The following ATF7IP2 variants were observed in gnomAD, a reference collection of about 807,000 sequenced individuals.
The protein encoded by ATF7IP2 is activating transcription factor 7 interacting protein 2.
A neutral mutation model predicts 64.2 loss-of-function variants in ATF7IP2; 42 were observed. The ratio of observed to expected loss-of-function variants is 0.65; its 90% CI spans 0.51 to 0.85. ATF7IP2 has a LOEUF of 0.85. ATF7IP2 is among the 40% of genes least tolerant of loss of function. ATF7IP2 has a pLI of 0.00. For missense variants in ATF7IP2, 933 were observed against 784.2 expected, an observed-to-expected ratio of 1.19 and a Z score of -2.27; for synonymous variants, 308 against 272.8, an observed-to-expected ratio of 1.13 and a Z score of -1.27.
chr16:10,462,539 C>G (rs1431526164), intron 9 of ATF7IP2, among the ~76,000 whole-genome samples: 1 of 152,092 alleles, frequency 6.6e-6, no homozygotes, highest in Non-Finnish European at 1.5e-5. Flanking sequence ...TTTCTGACTT[C>G]TATTTCTGTT....
rs2047735716 is a variant in ATF7IP2, at chr16:10,410,432, G to A, written c.-241-4142G>A. ...TGAGTTCTGGACGTTTCTCAGCTTGGTTGCTGCTGGTGTATAGGAGAGCTA... is the reference window on the plus strand; with the variant it reads ...TGAGTTCTGGACGTTTCTCAGCTTGATTGCTGCTGGTGTATAGGAGAGCTA... On this transcript the variant is annotated intron_variant, in intron 1 of 13. Transcript: ENST00000562102. Among the ~76,000 whole-genome samples the A allele has an allele frequency of 2.6e-5, 4 of 152,158 alleles. No homozygotes were observed. In the South Asian group the frequency reaches 8.3e-4, roughly 32 times the overall value.
chr16:10,409,616 A>G (rs1413851864), intron 1 of ATF7IP2, among the ~76,000 whole-genome samples: 2 of 152,056 alleles, frequency 1.3e-5, no homozygotes, highest in Non-Finnish European at 1.5e-5. Flanking sequence ...TAATAGAGAC[A>G]GGGTTTCACG....
intron 1 of ATF7IP2, among the ~76,000 whole-genome samples, chr16:10,405,259 A>G (rs1315101406): frequency 1.3e-5 from 2 of 151,990 alleles, no homozygotes; most frequent in Non-Finnish European, 2.9e-5. Context: ...TTATCTAGCT[A>G]CTCAGGAGAC....
intron 12 of ATF7IP2, among the ~76,000 whole-genome samples, chr16:10,476,684 G>A (rs934422613): frequency 1.3e-5 from 2 of 152,014 alleles, no homozygotes; most frequent in African/African-American, 4.8e-5. Context: ...CAGGCCTAGT[G>A]TGTGTTGTTC....
At chr16:10,411,344 C>A (rs2047754119) in intron 1 of ATF7IP2, among the ~76,000 whole-genome samples, 2 of 107,822 alleles carry the variant, frequency 1.9e-5, no homozygotes, top group African/African-American at 8.0e-5. Context: ...TGGTACTGGG[C>A]CTTTTTGTTT....
chr16:10,440,706 C>G (rs960230743), intron 8 of ATF7IP2, among the ~76,000 whole-genome samples: 1 of 152,136 alleles, frequency 6.6e-6, no homozygotes, highest in Non-Finnish European at 1.5e-5. Flanking sequence ...TCCCCCACCC[C>G]CATTTTATCA....
At chr16:10,460,456 G>A (rs1312334372) in intron 9 of ATF7IP2, among the ~76,000 whole-genome samples, 6 of 152,146 alleles carry the variant, frequency 3.9e-5, no homozygotes, top group Admixed American at 6.5e-5. Flanking sequence ...GCCATCAGAC[G>A]TTAGGATATT....
rs1461174134 is a variant in ATF7IP2 at position 10,480,891 on chromosome 16, C to G, written c.1562C>G (p.Ser521Cys). 3 of 1,609,148 alleles carry G rather than the reference C, an allele frequency of 1.9e-6. No homozygotes were observed. The highest frequency in any genetic ancestry group is 2.6e-6 in the Non-Finnish European group (3 of 1,175,708). ...GTGTTGTTCACAGAAAGTCCAGTAT[C>G]CCCCCTGGAGTCACATTCGAAAGCT... is the stretch of plus-strand genomic sequence containing the variant. The part of the protein sequence containing the change: ...LSNCNTESPV[S>C]PLESHSKAAS... Residue 521 changes from serine (S) to cysteine (C), a missense_variant, in exon 13 of 14, where the codon TCC (serine) becomes TGC (cysteine). By Grantham distance (112) the Ser-to-Cys change is moderately radical. Transcript: ENST00000562102.
intron 6 of ATF7IP2, 125 bp from the exon 7 acceptor site, chr16:10,437,976 T>C: frequency 1.5e-6 from 1 of 663,170 alleles, no homozygotes; most frequent in Middle Eastern, 4.6e-4. Context: ...AACATACAAA[T>C]ATAAATAAAC....
intron 4 of ATF7IP2, among the ~76,000 whole-genome samples, chr16:10,429,753 A>G (rs1227670030): frequency 7.2e-6 from 1 of 138,204 alleles, no homozygotes; most frequent in African/African-American, 2.7e-5. Flanking sequence ...TATTTATTTT[A>G]TTTTATTATT....
At chr16:10,420,997 A>T (rs2047978789) in intron 3 of ATF7IP2, among the ~76,000 whole-genome samples, 1 of 152,232 alleles carries the variant, frequency 6.6e-6, no homozygotes, top group Admixed American at 6.5e-5. Flanking sequence ...AAATTGAAAC[A>T]GTTTTGTTTT....
Position 10,465,110 on chromosome 16 carries a change from G to A in ATF7IP2, c.1353-7000G>A, listed in dbSNP as rs1236100113. Among the ~76,000 whole-genome samples, 7 of 152,244 alleles carry A rather than the reference G, an allele frequency of 4.6e-5. No individual in the cohort carries two copies. In the South Asian group the frequency reaches 6.2e-4, roughly 14 times the overall value. ...CTCCCAAAGTGGTGGAATTACAGGC[G>A]TGAGCCACCACGCCTGTCCATCCTA... On this transcript the variant is annotated intron_variant, in intron 9 of 13. Transcript: ENST00000562102.
At chr16:10,457,244 GAA>G in intron 8 of ATF7IP2, 126 bp from the exon 9 acceptor site, 8 of 750,102 alleles carry the variant, frequency 1.1e-5, no homozygotes, top group Non-Finnish European at 1.7e-5. Context: ...ATCAGCCATC[GAA>G]ATACATGTGA....
intron 2 of ATF7IP2, among the ~76,000 whole-genome samples, chr16:10,418,797 C>T (rs4780920): frequency 0.58 from 88,038 of 152,040 alleles, 25,716 homozygotes; most frequent in East Asian, 0.7. Flanking sequence ...TTCCACAAAT[C>T]CTTATGTTTA....
chr16:10,392,896 G>A (rs1452529191), intron 1 of ATF7IP2, among the ~76,000 whole-genome samples: 1 of 152,012 alleles, frequency 6.6e-6, no homozygotes, highest in Non-Finnish European at 1.5e-5. Context: ...TCAGGTTAGA[G>A]TCTTGTTTGA....
intron 5 of ATF7IP2, among the ~76,000 whole-genome samples, chr16:10,432,222 G>A (rs1036570079): frequency 5.3e-5 from 8 of 152,050 alleles, no homozygotes; most frequent in African/African-American, 1.9e-4. Flanking sequence ...ATATGTGTGT[G>A]TAGAGAAAGA....
intron 1 of ATF7IP2, among the ~76,000 whole-genome samples, chr16:10,409,034 G>T (rs576554674): frequency 6.6e-6 from 1 of 152,180 alleles, no homozygotes; most frequent in African/African-American, 2.4e-5. Context: ...TGTCATTCAC[G>T]ATCACAAGAG....
intron 2 of ATF7IP2, among the ~76,000 whole-genome samples, chr16:10,417,663 T>G (rs2141833158): frequency 6.6e-6 from 1 of 152,124 alleles, no homozygotes; most frequent in East Asian, 1.9e-4. Context: ...AGACAGAAAT[T>G]GATAATCTGG....
intron 8 of ATF7IP2, among the ~76,000 whole-genome samples, chr16:10,442,093 G>T (rs1191446486): frequency 4.6e-5 from 7 of 152,220 alleles, no homozygotes; most frequent in Admixed American, 4.6e-4. Context: ...TTAGCATTTA[G>T]AATAGGATAA....
Sources: allele counts gnomAD v4.1 joint callset (sites outside exome capture counted in the v4.1 genomes callset), GRCh38; gene constraint gnomAD v4.1.1; transcripts MANE v1.5; gene names NCBI Gene and HGNC (gene_info 2026-07-23, HGNC 2026-07-21).